Variants in MRPS25 observed in about 807,000 individuals in gnomAD.
The protein encoded by MRPS25 is small ribosomal subunit protein mS25.
Under a neutral mutation model 17.3 loss-of-function variants are expected in MRPS25, and 15 were observed. The ratio of observed to expected loss-of-function variants is 0.87; its 90% CI spans 0.58 to 1.34. The LOEUF (loss-of-function observed/expected upper bound fraction) is 1.34. MRPS25 is among the 40% of genes most tolerant of loss of function. MRPS25 has a pLI of 0.00. For synonymous variants in MRPS25, 94 were observed against 83.3 expected (o/e 1.13, Z -0.70); for missense variants, 225 against 218.6 (o/e 1.03, Z -0.19).
chr3:15,063,656 G>A (rs1163489093), intron 1 of MRPS25, among the ~76,000 whole-genome samples: 1 of 152,166 alleles, frequency 6.6e-6, no homozygotes, highest in Non-Finnish European at 1.5e-5. Context: ...GTAAGTAAGA[G>A]GCTCACAGGC....
chr3:15,058,696 A>G (rs1338683686), intron 2 of MRPS25, among the ~76,000 whole-genome samples: 1 of 152,184 alleles, frequency 6.6e-6, no homozygotes, highest in South Asian at 2.1e-4. Context: ...CCTACACTTC[A>G]TTTGATTCTC....
At chr3:15,062,617 G>A (rs571771526) in intron 1 of MRPS25, among the ~76,000 whole-genome samples, 1 of 152,140 alleles carries the variant, frequency 6.6e-6, no homozygotes, top group African/African-American at 2.4e-5. Flanking sequence ...GCAGTTTTGT[G>A]GAATAGAAAG....
chr3:15,052,479 T>TC lies in MRPS25; in HGVS notation c.483dup (p.Lys162GlufsTer26). 6.2e-7 allele frequency: 1 copy of TC among 1,613,938 alleles called. No homozygotes were observed. Among genetic ancestry groups the TC allele is most frequent in the Non-Finnish European group, 8.5e-7 (1 of 1,179,968 alleles). On this transcript the variant is annotated frameshift_variant, in exon 4 of 4. Coordinates refer to ENST00000253686, the MANE Select transcript of MRPS25 (RefSeq NM_022497.5). LOFTEE classifies it high-confidence loss of function. ...TCGGCTTTCAGAGCGGCTTTGTACT[T>TC]CCCCCTCATCTCCTTGGGTAATGGC...
Position 15,049,572 on chromosome 3 carries a change from G to A in MRPS25, c.*2869C>T, listed in dbSNP as rs2042570450. On this transcript the variant is annotated 3_prime_UTR_variant, in exon 4 of 4. Transcript: ENST00000253686. ...TGTTTCTGGAGCAGAGCACAGTTAG[G>A]CTGCTGGAACATTCAGATGCCATTA... 1 of 395,040 alleles carries A rather than the reference G, an allele frequency of 2.5e-6. No homozygotes were observed. The highest frequency in any genetic ancestry group is 2.1e-5 in the African/African-American group (1 of 46,766). 24.5% of individuals were successfully genotyped at this position (395,040 alleles called of 1,614,324 possible). A position where few individuals can be genotyped will look rare whatever the true frequency, so the allele number is the denominator to read the frequency against.
At chr3:15,060,573 G>T (rs1354504713) in intron 1 of MRPS25, among the ~76,000 whole-genome samples, 1 of 151,492 alleles carries the variant, frequency 6.6e-6, no homozygotes, top group African/African-American at 2.4e-5. Context: ...AACTATATGG[G>T]TATAAGACTC....
Position 15,051,827 on chromosome 3 carries a change from G to A in MRPS25, c.*614C>T, listed in dbSNP as rs1192114873. 2.0e-6 allele frequency: 2 copies of A among 985,382 alleles called. No individual in the cohort carries two copies. Among genetic ancestry groups the A allele is most frequent in the Non-Finnish European group, 2.4e-6 (2 of 830,006 alleles). 61.0% of individuals were successfully genotyped at this position (985,382 alleles called of 1,614,324 possible). ...GACTGGTCAGCAGGTACGTGCCTGA[G>A]TGAGGCTGGCCTGTCAGCCACTGGG... is the stretch of plus-strand genomic sequence containing the variant. On this transcript the variant is annotated 3_prime_UTR_variant, in exon 4 of 4. Coordinates refer to ENST00000253686, the MANE Select transcript of MRPS25 (RefSeq NM_022497.5).
Position 15,053,424 on chromosome 3 carries a change from A to T in MRPS25, c.285T>A (p.Asn95Lys). 6.2e-7 allele frequency: 1 copy of T among 1,614,138 alleles called. No individual in the cohort carries two copies. The highest frequency in any genetic ancestry group is 8.5e-7 in the Non-Finnish European group (1 of 1,180,038). ...QVLVDVETKS[N>K]KEIMEHIRKI... ...TTCTGATGTGCTCCATGATCTCCTT[A>T]TTGCTCTTGGTCTCCACATCCACCA... Residue 95 changes from asparagine (N) to lysine (K), a missense_variant, in exon 3 of 4, where the codon AAT becomes AAA. Transcript: ENST00000253686.
rs1485007028 is a variant in MRPS25 at position 15,051,158 on chromosome 3, G to C, written c.*1283C>G. ...GTTTCTAGGGGTCCGTGGTCCAACT[G>C]GTCCTTCACTTTATAATTAAACTTA... On this transcript the variant is annotated 3_prime_UTR_variant, in exon 4 of 4. Coordinates refer to ENST00000253686, the MANE Select transcript of MRPS25 (RefSeq NM_022497.5). The C allele has an allele frequency of 4.3e-5, 42 of 985,098 alleles. No individual in the cohort carries two copies. The Admixed American group carries it at 4.9e-4, about 12-fold the overall frequency. The allele number at this position is 985,098 out of a possible 1,614,324, so 61.0% of individuals were successfully genotyped here.
rs1286431647 is a variant in MRPS25, at chr3:15,052,252, A to C, written c.*189T>G. On this transcript the variant is annotated 3_prime_UTR_variant, in exon 4 of 4. Coordinates refer to ENST00000253686, the MANE Select transcript of MRPS25 (RefSeq NM_022497.5). ...ATTGACCAGCAGAGCAGGGATATTC[A>C]TTTAGCAGCTCAGCTTCAGACCCTC... 7.4e-7 allele frequency: 1 copy of C among 1,358,422 alleles called. No individual in the cohort carries two copies. The highest frequency in any genetic ancestry group is 1.5e-5 in the African/African-American group (1 of 68,590). 84.1% of individuals were successfully genotyped at this position (1,358,422 alleles called of 1,614,324 possible). A position where few individuals can be genotyped will look rare whatever the true frequency, so the allele number is the denominator to read the frequency against.
intron 2 of MRPS25, among the ~76,000 whole-genome samples, chr3:15,057,176 C>G (rs1198289457): frequency 1.3e-5 from 2 of 152,228 alleles, no homozygotes; most frequent in Non-Finnish European, 2.9e-5. Flanking sequence ...AGCCCGTGCT[C>G]TCCCTGGCCG....
chr3:15,053,418 C>T lies in MRPS25; in HGVS notation c.291G>A (p.Glu97=), dbSNP rs2042631841. 6.8e-6 allele frequency: 11 copies of T among 1,614,184 alleles called. No homozygotes were observed. Among genetic ancestry groups the T allele is most frequent in the Non-Finnish European group, 9.3e-6 (11 of 1,180,038 alleles). Residue 97 remains glutamate, a synonymous_variant, in exon 3 of 4, where the codon GAG becomes GAA. Transcript: ENST00000253686. The stretch of plus-strand genomic sequence containing the variant: ...AGATTTTTCTGATGTGCTCCATGAT[C>T]TCCTTATTGCTCTTGGTCTCCACAT... ...LVDVETKSNK[E]IMEHIRKILG... is the part of the protein sequence containing the mutation.
chr3:15,061,708 G>A (rs2042764230), intron 1 of MRPS25, among the ~76,000 whole-genome samples: 1 of 148,868 alleles, frequency 6.7e-6, no homozygotes, highest in African/African-American at 2.5e-5. Context: ...CCCTCTGCCT[G>A]GCTGCCCAGC....
intron 2 of MRPS25, among the ~76,000 whole-genome samples, chr3:15,053,909 A>G (rs1291894175): frequency 6.6e-6 from 1 of 152,226 alleles, no homozygotes; most frequent in African/African-American, 2.4e-5. Context: ...TTTACTTTCC[A>G]ATTTCAAATT....
At chr3:15,059,510 A>G in intron 1 of MRPS25, 35 bp from the exon 2 acceptor site, 1 of 1,454,226 alleles carries the variant, frequency 6.9e-7, no homozygotes, top group Non-Finnish European at 9.6e-7. Context: ...TATGAAACAG[A>G]GTTTTTAGCC....
chr3:15,054,791 A>G (rs2042649210), intron 2 of MRPS25, among the ~76,000 whole-genome samples: 1 of 152,254 alleles, frequency 6.6e-6, no homozygotes, highest in South Asian at 2.1e-4. Context: ...TATAATGCAT[A>G]TATCTGATAA....
chr3:15,055,497 CAT>C (rs1334387359), intron 2 of MRPS25, among the ~76,000 whole-genome samples: 3 of 152,178 alleles, frequency 2.0e-5, no homozygotes, highest in Non-Finnish European at 4.4e-5. Context: ...CAGGAACTCT[CAT>C]AGGTCGCTAG....
chr3:15,061,944 CGCCCCGTCTG>C (rs2042770570), intron 1 of MRPS25, among the ~76,000 whole-genome samples: 9 of 150,472 alleles, frequency 6.0e-5, no homozygotes, highest in African/African-American at 1.5e-4. Context: ...GCCCGGCAGC[CGCCCCGTCTG>C]AGAAGTGAGG....
rs1271313557 is a variant in MRPS25, at chr3:15,050,158, CA to C, written c.*2282del. 1.3e-5 allele frequency: 17 copies of C among 1,307,380 alleles called. No individual in the cohort carries two copies. In the African/African-American group the frequency reaches 2.3e-4, roughly 18 times the overall value. The allele number at this position is 1,307,380 out of a possible 1,614,324, so 81.0% of individuals were successfully genotyped here. A position where few individuals can be genotyped will look rare whatever the true frequency, so the allele number is the denominator to read the frequency against. ...CCAGGATCAAGTAGCCTACAGGGAA[CA>C]AAAAAAGAAAATAATGTTTATTTCC... On this transcript the variant is annotated 3_prime_UTR_variant, in exon 4 of 4. Coordinates refer to ENST00000253686, the MANE Select transcript of MRPS25 (RefSeq NM_022497.5).
In MRPS25 at chr3:15,065,226, G is replaced by T. The variant is rs1295807695; in HGVS notation, c.-32C>A. ...AACGGTGGCGGGGCCGACCCCACGG[G>T]CCGCGAGCCGAGCAGCGACGAGAAA... On this transcript the variant is annotated 5_prime_UTR_variant, in exon 1 of 4. Coordinates refer to ENST00000253686, the MANE Select transcript of MRPS25 (RefSeq NM_022497.5). 6.4e-7 allele frequency: 1 copy of T among 1,554,644 alleles called. No individual in the cohort carries two copies. Among genetic ancestry groups the T allele is most frequent in the East Asian group, 2.4e-5 (1 of 41,622 alleles).
Sources: gnomAD v4.1 joint callset for allele counts (sites outside exome capture counted in the v4.1 genomes callset) on GRCh38, gnomAD v4.1.1 for gene constraint, MANE v1.5 for transcripts, NCBI Gene and HGNC (gene_info 2026-07-23, HGNC 2026-07-21) for gene names.